Variants in STRA8 observed in about 807,000 individuals in gnomAD.
STRA8 encodes stimulated by retinoic acid 8.
In STRA8, 18 loss-of-function variants were observed where a neutral mutation model predicts 37.1. The ratio of observed to expected loss-of-function variants is 0.48; its 90% CI spans 0.34 to 0.72. STRA8 has a LOEUF of 0.72. Among genes scored for constraint, STRA8 ranks in the 30% least tolerant of loss-of-function variants. The pLI is 0.01. For synonymous variants in STRA8, 168 were observed against 162.9 expected, an observed-to-expected ratio of 1.03 and a Z score of -0.24; for missense variants, 357 against 410.4, an observed-to-expected ratio of 0.87 and a Z score of 1.13.
At chr7:135,243,222 G>A (rs1585472001) in intron 3 of STRA8, 104 bp from the exon 4 acceptor site, 9 of 1,121,214 alleles carry the variant, frequency 8.0e-6, no homozygotes, top group Non-Finnish European at 1.1e-5. Flanking sequence ...GACCCTGGAG[G>A]GTTCAGGGTC....
chr7:135,246,273 C>A lies in STRA8; in HGVS notation c.594-144C>A. 2.7e-6 allele frequency: 3 copies of A among 1,096,576 alleles called. No homozygotes were observed. The highest frequency in any genetic ancestry group is 1.4e-5 in the South Asian group (1 of 70,276). 67.9% of individuals were successfully genotyped at this position (1,096,576 alleles called of 1,614,324 possible). A position where few individuals can be genotyped will look rare whatever the true frequency, so the allele number is the denominator to read the frequency against. On this transcript the variant is annotated intron_variant, in intron 5 of 8. Transcript: ENST00000662584. The surrounding 1 kb of genome is among the most constrained non-coding windows in gnomAD (Gnocchi z 5.4). ...GCTGCTGCTCTCCAAGGGCCAGGGG[C>A]GTGCAGAGTCTGAGAAGTCTCAGCC...
Position 135,242,775 on chromosome 7 carries a change from C to T in STRA8, c.193-6C>T. On this transcript the variant is annotated splice_region_variant and splice_polypyrimidine_tract_variant and intron_variant, in intron 2 of 8. Transcript: ENST00000662584. ...GGCTTTCAGCATTGTCTCTGTCTAT[C>T]CTCAGTGGCAGGTTCTGAATAAGGC... 6.2e-7 allele frequency: 1 copy of T among 1,614,042 alleles called. No individual in the cohort carries two copies. Among genetic ancestry groups the T allele is most frequent in the Non-Finnish European group, 8.5e-7 (1 of 1,179,894 alleles).
At chr7:135,255,603 C>T (rs1832693712) in intron 8 of STRA8, among the ~76,000 whole-genome samples, 2 of 152,204 alleles carry the variant, frequency 1.3e-5, no homozygotes, top group Admixed American at 1.3e-4. Context: ...TTCTCATAGG[C>T]GTGCAGACCC....
At chr7:135,238,405 A>C (rs1029043480) in intron 1 of STRA8, among the ~76,000 whole-genome samples, 10 of 152,164 alleles carry the variant, frequency 6.6e-5, no homozygotes, top group African/African-American at 2.4e-4. Context: ...ACTCTTGTCC[A>C]GGGCTGAAAC....
chr7:135,243,253 C>A, intron 3 of STRA8, 73 bp from the exon 4 acceptor site: 1 of 1,522,450 alleles, frequency 6.6e-7, no homozygotes, highest in Non-Finnish European at 9.1e-7. Context: ...CCCACCTGGG[C>A]CAGAAGGGTG....
chr7:135,238,947 A>G (rs977493664), intron 1 of STRA8, among the ~76,000 whole-genome samples: 2 of 152,220 alleles, frequency 1.3e-5, no homozygotes, highest in African/African-American at 4.8e-5. Flanking sequence ...GATGTGACAG[A>G]GACATGCACG....
chr7:135,243,481 C>A, intron 4 of STRA8, 71 bp downstream of exon 4: 1 of 1,436,262 alleles, frequency 7.0e-7, no homozygotes, highest in Non-Finnish European at 9.7e-7. Context: ...TGTCTGGTGG[C>A]AACTCACCCT....
At chr7:135,238,244 G>A (rs1832408099) in intron 1 of STRA8, among the ~76,000 whole-genome samples, 1 of 152,184 alleles carries the variant, frequency 6.6e-6, no homozygotes, top group South Asian at 2.1e-4. Flanking sequence ...ACCAGGGGGC[G>A]CCTGGGGGCA....
chr7:135,240,773 C>T, intron 2 of STRA8, 57 bp downstream of exon 2: 3 of 1,590,156 alleles, frequency 1.9e-6, no homozygotes, highest in Non-Finnish European at 2.6e-6. Context: ...GACGTTTTCA[C>T]AGGTGGAGGG....
chr7:135,237,821 G>A (rs1157508543), intron 1 of STRA8, among the ~76,000 whole-genome samples: 9 of 152,008 alleles, frequency 5.9e-5, no homozygotes, highest in African/African-American at 2.2e-4. Flanking sequence ...GAACCCGGGA[G>A]GCAGAGGTTG....
intron 2 of STRA8, 46 bp from the exon 3 acceptor site, chr7:135,242,735 C>G (rs202240921): frequency 3.8e-5 from 60 of 1,599,530 alleles, no homozygotes; most frequent in Non-Finnish European, 4.9e-5. Context: ...AAATCAGTCT[C>G]TGCAGTGAGA....
In STRA8 at chr7:135,236,197, G is replaced by T. The variant is rs138585485; in HGVS notation, c.-7+2294G>T. ...ACACTTTAGGAGGCTGACGCGGGAG[G>T]TTCACTTGAACCCAGGCATTTAAGA... On this transcript the variant is annotated intron_variant, in intron 1 of 8. Transcript: ENST00000662584. Among the ~76,000 whole-genome samples the T allele has an allele frequency of 7.5e-4, 114 of 152,074 alleles. 3 individuals carry two copies. The highest frequency in any genetic ancestry group is 3.4e-3 in the Middle Eastern group (1 of 294).
intron 6 of STRA8, among the ~76,000 whole-genome samples, chr7:135,249,139 A>G (rs1035272136): frequency 6.6e-6 from 1 of 152,204 alleles, no homozygotes; most frequent in Non-Finnish European, 1.5e-5. Flanking sequence ...GACCACCTAT[A>G]CAATGGTGGT....
At chr7:135,234,397 G>A (rs1042302533) in intron 1 of STRA8, among the ~76,000 whole-genome samples, 1 of 152,148 alleles carries the variant, frequency 6.6e-6, no homozygotes, top group Non-Finnish European at 1.5e-5. Flanking sequence ...CAGGAGCCAC[G>A]GCACCCAGCC....
intron 8 of STRA8, among the ~76,000 whole-genome samples, chr7:135,255,672 A>G (rs748750470): frequency 6.6e-6 from 1 of 152,204 alleles, no homozygotes; most frequent in Non-Finnish European, 1.5e-5. Flanking sequence ...GAATCTGACT[A>G]ATGCCTGATG....
Position 135,246,511 on chromosome 7 carries a change from A to G in STRA8, c.688A>G (p.Ile230Val). ...EAALPIVSAA[I>V]SHLWQNLSEE... Reference sequence around the variant, plus strand: ...GGCGCTGCCCATCGTCTCCGCGGCCATCTCCCACCTGTGGCAGAACCTCTC... The same window carrying G: ...GGCGCTGCCCATCGTCTCCGCGGCCGTCTCCCACCTGTGGCAGAACCTCTC... Residue 230 changes from isoleucine (I) to valine (V), a missense_variant, in exon 6 of 9, where the codon ATC becomes GTC. By Grantham distance (29) the Ile-to-Val change is conservative. Coordinates refer to ENST00000662584, the MANE Select transcript of STRA8 (RefSeq NM_001394401.1). The surrounding 1 kb of genome is among the most constrained non-coding windows in gnomAD (Gnocchi z 5.4). 6.3e-7 allele frequency: 1 copy of G among 1,576,622 alleles called. No individual in the cohort carries two copies. Among genetic ancestry groups the G allele is most frequent in the South Asian group, 1.2e-5 (1 of 86,110 alleles).
At chr7:135,243,258 A>AG in intron 3 of STRA8, 68 bp from the exon 4 acceptor site, 2 of 1,542,548 alleles carry the variant, frequency 1.3e-6, no homozygotes, top group Non-Finnish European at 8.9e-7. Context: ...CTGGGCCAGA[A>AG]GGGTGGGAGA....
chr7:135,245,815 G>A (rs1165809542), intron 5 of STRA8, among the ~76,000 whole-genome samples: 1 of 152,166 alleles, frequency 6.6e-6, no homozygotes, highest in Non-Finnish European at 1.5e-5. Flanking sequence ...TGCCTTGTGG[G>A]GGGCACAGCT....
rs148099333 is a variant in STRA8 at position 135,252,011 on chromosome 7, A to T, written c.953+142A>T. On this transcript the variant is annotated intron_variant, in intron 7 of 8. Coordinates refer to ENST00000662584, the MANE Select transcript of STRA8 (RefSeq NM_001394401.1). ...AGAGAGGAGACAGAGGGAGAGAGAG[A>T]GAGTGTGTGTGTGTGTGTGTGTGTG... The T allele has an allele frequency of 3.5e-4, 225 of 647,198 alleles. No homozygotes were observed. The African/African-American group carries it at 5.2e-3, about 15-fold the overall frequency. 40.1% of individuals were successfully genotyped at this position (647,198 alleles called of 1,614,324 possible).
Sources: allele counts gnomAD v4.1 joint callset (sites outside exome capture counted in the v4.1 genomes callset), GRCh38; gene constraint gnomAD v4.1.1; non-coding constraint Gnocchi (gnomAD v3.1); transcripts MANE v1.5; gene names NCBI Gene and HGNC (gene_info 2026-07-23, HGNC 2026-07-21).